The following POLN variants were observed in gnomAD, a reference collection of about 807,000 sequenced individuals.
The protein encoded by POLN is DNA polymerase N.
POLN carries 108 observed loss-of-function variants against 113.5 expected under a neutral mutation model. That is an observed-to-expected ratio of 0.95 (90% CI 0.81 to 1.12). The LOEUF is 1.12. POLN is among the 50% of genes most tolerant of loss of function. The probability of loss-of-function intolerance (pLI) is 0.00; values close to 1 mark genes in which losing one functional copy is unlikely to be tolerated. For synonymous variants in POLN, 386 were observed against 391.5 expected (o/e 0.99, Z 0.17); for missense variants, 1,097 against 1,077.1 (o/e 1.02, Z -0.26).
intron 16 of POLN, among the ~76,000 whole-genome samples, chr4:2,135,645 G>T (rs965203692): frequency 6.6e-6 from 1 of 152,186 alleles, no homozygotes; most frequent in African/African-American, 2.4e-5. Flanking sequence ...GGTGGGAAGC[G>T]ACAACTAACA....
At chr4:2,207,076 G>C (rs573083665) in intron 5 of POLN, among the ~76,000 whole-genome samples, 54 of 152,324 alleles carry the variant, frequency 3.5e-4, no homozygotes, top group African/African-American at 1.2e-3. Flanking sequence ...CCATAAAAGT[G>C]AATGAATTAA....
At position 2,208,363 on chromosome 4, in the gene POLN, G is replaced by C; in HGVS notation, c.338C>G (p.Thr113Ser). The C allele has an allele frequency of 6.2e-7, 1 of 1,613,650 alleles. No homozygotes were observed. The highest frequency in any genetic ancestry group is 1.3e-5 in the African/African-American group (1 of 75,044). Residue 113 changes from threonine (T) to serine (S), a missense_variant, in exon 5 of 26, where the codon ACT (threonine) becomes AGT (serine). Thr to Ser is a moderately conservative substitution (Grantham distance 58). Coordinates refer to ENST00000511885, the MANE Select transcript of POLN (RefSeq NM_181808.4). The part of the protein sequence containing the change: ...DQKQKSISSL[T>S]LSSCLIPQYN... Reference sequence around the variant, plus strand: ...CTGTGGAATTAAACAACTTGAAAGAGTCAATGAGCTGATGCTCTTCTGTTT... The same window carrying C: ...CTGTGGAATTAAACAACTTGAAAGACTCAATGAGCTGATGCTCTTCTGTTT...
At chr4:2,162,072 A>G (rs1181204403) in intron 13 of POLN, among the ~76,000 whole-genome samples, 7 of 152,176 alleles carry the variant, frequency 4.6e-5, no homozygotes, top group Admixed American at 4.6e-4. Flanking sequence ...AGATAAGAGA[A>G]TAAAAGCAGG....
chr4:2,094,136 C>T (rs1730726843), intron 20 of POLN, among the ~76,000 whole-genome samples: 1 of 152,034 alleles, frequency 6.6e-6, no homozygotes, highest in Admixed American at 6.5e-5. Flanking sequence ...CACTTGAGGT[C>T]AGGAGTTCAA....
chr4:2,128,262 G>A, intron 18 of POLN, 35 bp from the exon 19 acceptor site: 2 of 1,409,932 alleles, frequency 1.4e-6, no homozygotes, highest in Non-Finnish European at 2.0e-6. Context: ...TTTAGAGTTT[G>A]CCAGCAATGT....
chr4:2,202,371 C>A (rs2108761295), intron 5 of POLN, among the ~76,000 whole-genome samples: 1 of 152,148 alleles, frequency 6.6e-6, no homozygotes, highest in African/African-American at 2.4e-5. Flanking sequence ...AAAGGGAGAC[C>A]AAAAGCAAGC....
chr4:2,180,187 T>A (rs1202403446), intron 7 of POLN, among the ~76,000 whole-genome samples: 2 of 152,210 alleles, frequency 1.3e-5, no homozygotes, highest in African/African-American at 4.8e-5. Context: ...AAGATTACTG[T>A]AATTATGTGT....
In POLN at chr4:2,241,731, A is replaced by T. The variant is rs144526925; in HGVS notation, c.-224T>A. ...CGCGGCCCCAAGGCCGCGATACACC[A>T]GACGCGCCAGCGGCAAAACCTTCCT... On this transcript the variant is annotated 5_prime_UTR_variant, in exon 2 of 26. Transcript: ENST00000511885. The T allele has an allele frequency of 5.9e-4, 581 of 985,520 alleles. 2 individuals are homozygous for T. In the African/African-American group the frequency reaches 9.4e-3, roughly 16 times the overall value. 61.0% of individuals were successfully genotyped at this position (985,520 alleles called of 1,614,324 possible).
At chr4:2,193,359 G>C in intron 6 of POLN, 43 bp from the exon 7 acceptor site, 1 of 1,406,988 alleles carries the variant, frequency 7.1e-7, no homozygotes, top group Non-Finnish European at 9.8e-7. Flanking sequence ...CATTAATTTG[G>C]GATTTTCGAC....
chr4:2,186,215 T>C (rs1376653049), intron 7 of POLN, among the ~76,000 whole-genome samples: 1 of 152,202 alleles, frequency 6.6e-6, no homozygotes, highest in Non-Finnish European at 1.5e-5. Flanking sequence ...CCCATCATCT[T>C]GGGCCCCCTG....
In POLN at chr4:2,222,757, C is replaced by G. The variant is rs148840076; in HGVS notation, c.133+6342G>C. Among the ~76,000 whole-genome samples, 314 of 145,428 alleles carry G rather than the reference C, an allele frequency of 2.2e-3. 1 individual carries two copies. Among genetic ancestry groups the G allele is most frequent in the African/African-American group, 7.7e-3 (295 of 38,184 alleles). On this transcript the variant is annotated intron_variant, in intron 3 of 25. Transcript: ENST00000511885. Reference sequence around the variant, plus strand: ...TATTCCCAGCCACAGCCATCCAATTCCATTGTCTTCAACTGCCTTGTACTT... The same window carrying G: ...TATTCCCAGCCACAGCCATCCAATTGCATTGTCTTCAACTGCCTTGTACTT...
At chr4:2,234,646 A>G (rs1734694219) in intron 2 of POLN, 1 of 152,246 alleles carries the variant, frequency 6.6e-6, no homozygotes, top group South Asian at 2.1e-4. Flanking sequence ...TAAAGAAAAG[A>G]AAACTATATG....
chr4:2,101,638 A>G (rs1368334082), intron 19 of POLN, among the ~76,000 whole-genome samples: 4 of 152,242 alleles, frequency 2.6e-5, no homozygotes, highest in African/African-American at 7.2e-5. Flanking sequence ...AGCTAGAGTA[A>G]GATGTCATTC....
intron 20 of POLN, among the ~76,000 whole-genome samples, chr4:2,086,556 GT>G (rs1420111651): frequency 6.6e-6 from 1 of 152,192 alleles, no homozygotes; most frequent in Non-Finnish European, 1.5e-5. Flanking sequence ...TCTAAGCAGT[GT>G]GTGGTTTCTA....
chr4:2,079,872 A>C, intron 23 of POLN: 1 of 985,570 alleles, frequency 1.0e-6, no homozygotes, highest in Non-Finnish European at 1.2e-6. Context: ...GGCGTGAGCC[A>C]CTGTGCCCAG....
At chr4:2,216,006 G>A (rs1690442119) in intron 3 of POLN, among the ~76,000 whole-genome samples, 1 of 152,174 alleles carries the variant, frequency 6.6e-6, no homozygotes, top group Non-Finnish European at 1.5e-5. Flanking sequence ...TCTGGCCATA[G>A]CCCCAGCATT....
At chr4:2,114,253 T>C (rs528448253) in intron 19 of POLN, among the ~76,000 whole-genome samples, 4 of 152,040 alleles carry the variant, frequency 2.6e-5, no homozygotes, top group African/African-American at 4.8e-5. Context: ...TACAGAACTA[T>C]ATAAAAATAT....
intron 7 of POLN, among the ~76,000 whole-genome samples, chr4:2,180,243 C>A (rs1348102522): frequency 6.6e-6 from 1 of 152,098 alleles, no homozygotes; most frequent in Non-Finnish European, 1.5e-5. Flanking sequence ...ACAATATTTG[C>A]TAAACAAACA....
chr4:2,170,844 G>A, intron 12 of POLN, 70 bp from the exon 13 acceptor site: 2 of 1,370,184 alleles, frequency 1.5e-6, no homozygotes, highest in Non-Finnish European at 1.0e-6. Flanking sequence ...TACTATAGCA[G>A]AGCCCATGCC....
Sources: allele counts gnomAD v4.1 joint callset (sites outside exome capture counted in the v4.1 genomes callset), GRCh38; gene constraint gnomAD v4.1.1; transcripts MANE v1.5; gene names NCBI Gene and HGNC (gene_info 2026-07-23, HGNC 2026-07-21).